The following RALYL variants were observed in gnomAD, a reference collection of about 807,000 sequenced individuals.
RALYL encodes the protein RALY RNA binding protein like, also known as RNA-binding Raly-like protein.
In RALYL, 29 loss-of-function variants were observed where a neutral mutation model predicts 35.1. That is an observed-to-expected ratio of 0.83 (90% CI 0.61 to 1.13). RALYL has a LOEUF of 1.13. Among genes scored for constraint, RALYL ranks in the 50% most tolerant of loss-of-function variants. The pLI is 0.00. For synonymous variants in RALYL, 120 were observed against 127.6 expected (o/e 0.94, Z 0.40); for missense variants, 359 against 360.4 (o/e 1.00, Z 0.03).
At chr8:84,391,123 G>A (rs561376568) in intron 1 of RALYL, among the ~76,000 whole-genome samples, 113 of 152,078 alleles carry the variant, frequency 7.4e-4, no homozygotes, top group African/African-American at 2.7e-3. Context: ...GTGAAAAGAA[G>A]ACAAGTCAGA....
intron 1 of RALYL, among the ~76,000 whole-genome samples, chr8:84,261,232 A>T (rs1832232803): frequency 6.6e-6 from 1 of 152,088 alleles, no homozygotes. Context: ...CATGAATTGC[A>T]TTTGCTTTTA....
intron 1 of RALYL, among the ~76,000 whole-genome samples, chr8:84,444,487 G>A (rs979958923): frequency 6.6e-6 from 1 of 152,032 alleles, no homozygotes; most frequent in Non-Finnish European, 1.5e-5. Context: ...TTCTGTTTAG[G>A]TAAGGAGAAT....
Position 84,699,005 on chromosome 8 carries a change from CATAGATAGATAGATAGATAG to C in RALYL, c.257-75541_257-75522del, listed in dbSNP as rs3068019. Among the ~76,000 whole-genome samples the C allele has an allele frequency of 1.2e-3, 171 of 144,276 alleles. 2 individuals are homozygous for C. The highest frequency in any genetic ancestry group is 3.4e-3 in the Middle Eastern group (1 of 290). The allele number at this position is 144,276 out of a possible 152,430, so 94.7% of individuals were successfully genotyped here. A position where few individuals can be genotyped will look rare whatever the true frequency, so the allele number is the denominator to read the frequency against. Reference sequence around the variant, plus strand: ...CTGTGGCTTTTAAGATAGGTAGGTACATAGATAGATAGATAGATAGATAGATAGATAGATAGATAGATAGA... The same window carrying C: ...CTGTGGCTTTTAAGATAGGTAGGTACATAGATAGATAGATAGATAGATAGA... On this transcript the variant is annotated intron_variant, in intron 2 of 8. Coordinates refer to ENST00000521268, the MANE Select transcript of RALYL (RefSeq NM_173848.7).
At chr8:84,228,862 C>T (rs964381741) in intron 1 of RALYL, among the ~76,000 whole-genome samples, 2 of 152,128 alleles carry the variant, frequency 1.3e-5, no homozygotes, top group East Asian at 1.9e-4. Flanking sequence ...CTCCGGAAAG[C>T]TCACTCACTA....
In RALYL at chr8:84,218,057, G is replaced by GAA. The variant is rs141852389; in HGVS notation, c.-24+33638_-24+33639dup. 2.3e-3 allele frequency among the ~76,000 whole-genome samples: 352 copies of GAA among 151,752 alleles called. 1 individual carries two copies. Among genetic ancestry groups the GAA allele is most frequent in the African/African-American group, 8.2e-3 (341 of 41,366 alleles). ...TACAATATGTTTTAACATATTTTCT[G>GAA]AAAAAATATAAAGTCTTTAGAAGAG... On this transcript the variant is annotated intron_variant, in intron 1 of 8. Coordinates refer to ENST00000521268, the MANE Select transcript of RALYL (RefSeq NM_173848.7).
At chr8:84,600,114 C>T (rs139367425) in intron 2 of RALYL, among the ~76,000 whole-genome samples, 1 of 152,058 alleles carries the variant, frequency 6.6e-6, no homozygotes, top group African/African-American at 2.4e-5. Context: ...CTTATTTCAT[C>T]CCAAAACTTT....
At chr8:84,811,946 C>T (rs184530248) in intron 4 of RALYL, among the ~76,000 whole-genome samples, 28 of 152,234 alleles carry the variant, frequency 1.8e-4, no homozygotes, top group African/African-American at 6.5e-4. Context: ...CTTTGCCTTT[C>T]TCTGGTGCCT....
intron 1 of RALYL, among the ~76,000 whole-genome samples, chr8:84,329,418 G>A (rs1186357014): frequency 1.3e-5 from 2 of 152,060 alleles, no homozygotes; most frequent in East Asian, 3.9e-4. Flanking sequence ...AGAAATATCT[G>A]TTCATGCTCT....
intron 1 of RALYL, among the ~76,000 whole-genome samples, chr8:84,296,347 G>A (rs73294892): frequency 0.047 from 7,197 of 152,074 alleles, 261 homozygotes; most frequent in African/African-American, 0.083. Context: ...GAGAATTCAA[G>A]ACTAAAAGGT....
intron 1 of RALYL, among the ~76,000 whole-genome samples, chr8:84,338,816 T>C (rs187394891): frequency 2.6e-5 from 4 of 152,270 alleles, no homozygotes; most frequent in Admixed American, 1.3e-4. Context: ...ATAGACATGA[T>C]AGTGATAGCA....
At chr8:84,440,583 A>T (rs766144093) in intron 1 of RALYL, among the ~76,000 whole-genome samples, 12 of 152,070 alleles carry the variant, frequency 7.9e-5, no homozygotes, top group Non-Finnish European at 1.5e-4. Flanking sequence ...TTACCTTGGC[A>T]AGAATGTTAT....
At chr8:84,494,510 T>G (rs968202797) in intron 1 of RALYL, among the ~76,000 whole-genome samples, 1 of 152,104 alleles carries the variant, frequency 6.6e-6, no homozygotes, top group Non-Finnish European at 1.5e-5. Context: ...GCCATTTTCA[T>G]GATATTGATT....
intron 2 of RALYL, among the ~76,000 whole-genome samples, chr8:84,593,087 A>G (rs1813656217): frequency 6.6e-6 from 1 of 152,072 alleles, no homozygotes; most frequent in South Asian, 2.1e-4. Flanking sequence ...GTGCATTTCT[A>G]AGTACATTAG....
intron 1 of RALYL, among the ~76,000 whole-genome samples, chr8:84,469,216 T>A (rs564821783): frequency 7.8e-4 from 119 of 152,238 alleles, no homozygotes; most frequent in African/African-American, 2.5e-3. Flanking sequence ...GAGGAGAGGC[T>A]CTCTGCTTTT....
At chr8:84,602,780 G>A (rs150491385) in intron 2 of RALYL, among the ~76,000 whole-genome samples, 295 of 152,190 alleles carry the variant, frequency 1.9e-3, no homozygotes, top group African/African-American at 4.0e-3. Context: ...CCTGGCCCTC[G>A]TTGAACTTAC....
chr8:84,858,808 A>G (rs573529817), intron 5 of RALYL, among the ~76,000 whole-genome samples: 5 of 152,260 alleles, frequency 3.3e-5, no homozygotes, highest in South Asian at 4.1e-4. Context: ...CCCGCTTTCT[A>G]TCCTTGTCTT....
At chr8:84,394,508 T>C (rs1861369719) in intron 1 of RALYL, among the ~76,000 whole-genome samples, 1 of 152,086 alleles carries the variant, frequency 6.6e-6, no homozygotes, top group African/African-American at 2.4e-5. Flanking sequence ...TTATGTACTT[T>C]GTTTAATATA....
chr8:84,810,878 GTCCTTACGTATTAGGTGAGTC>G (rs1825745893), intron 4 of RALYL, among the ~76,000 whole-genome samples: 1 of 152,078 alleles, frequency 6.6e-6, no homozygotes, highest in Non-Finnish European at 1.5e-5. Context: ...GTTTATGTGA[GTCCTTACGTATTAGGTGAGTC>G]TCCTGAAGGC....
intron 1 of RALYL, among the ~76,000 whole-genome samples, chr8:84,246,311 G>A (rs746935019): frequency 1.3e-5 from 2 of 152,050 alleles, no homozygotes; most frequent in Non-Finnish European, 2.9e-5. Context: ...GGCTATAGTA[G>A]TGAATAGAAA....
Sources: allele counts gnomAD v4.1 joint callset (sites outside exome capture counted in the v4.1 genomes callset), GRCh38; gene constraint gnomAD v4.1.1; transcripts MANE v1.5; gene names NCBI Gene and HGNC (gene_info 2026-07-23, HGNC 2026-07-21).